The following ATAD3B variants were observed in gnomAD, a reference collection of about 807,000 sequenced individuals.
ATAD3B encodes ATPase family AAA domain-containing protein 3B.
ATAD3B carries 59 observed loss-of-function variants against 70.2 expected under a neutral mutation model. That is an observed-to-expected ratio of 0.84 (90% CI 0.68 to 1.04). The LOEUF is 1.04. ATAD3B is among the 50% of genes least tolerant of loss of function. The pLI is 0.00. For missense variants in ATAD3B, 961 were observed against 913.4 expected (o/e 1.05, Z -0.67); for synonymous variants, 423 against 388.6 (o/e 1.09, Z -1.04).
At chr1:1,490,521 G>T (rs779242814) in intron 14 of ATAD3B, 42 bp from the exon 15 acceptor site, 38 of 1,610,828 alleles carry the variant, frequency 2.4e-5, no homozygotes, top group Non-Finnish European at 2.8e-5. Context: ...ATGGTGTGGG[G>T]TCCGCGGCCT....
rs1205957671 is a variant in ATAD3B, at chr1:1,482,256, C to T, written c.633C>T (p.Ile211=). The change falls in exon 6 of 16, where the codon ATC becomes ATT. Residue 211 remains isoleucine, a synonymous_variant. Coordinates refer to ENST00000673477, the MANE Select transcript of ATAD3B (RefSeq NM_031921.6). Reference sequence around the variant, plus strand: ...ATGCAGACATCATCCGCGAGCAGATCCGCCTGAAGGCGTCCGAGCACCGTC... The same window carrying T: ...ATGCAGACATCATCCGCGAGCAGATTCGCCTGAAGGCGTCCGAGCACCGTC... ...RENADIIREQ[I]RLKASEHRQT... is the part of the protein sequence containing the mutation. The T allele has an allele frequency of 4.3e-6, 7 of 1,611,368 alleles. No individual in the cohort carries two copies. The highest frequency in any genetic ancestry group is 3.3e-5 in the Admixed American group (2 of 59,932).
At chr1:1,478,401 G>A in intron 2 of ATAD3B, 1 of 1,489,338 alleles carries the variant, frequency 6.7e-7, no homozygotes, top group Non-Finnish European at 9.0e-7. Context: ...GGGTGGGGTT[G>A]GTGTCTGACC....
At chr1:1,489,704 G>A in intron 13 of ATAD3B, 2 of 1,313,586 alleles carry the variant, frequency 1.5e-6, no homozygotes, top group South Asian at 1.2e-5. Flanking sequence ...CCAGTCACGT[G>A]TCACACGGAG....
downstream of ATAD3B, among the ~76,000 whole-genome samples, chr1:1,500,149 C>T (rs1640913328): frequency 6.6e-6 from 1 of 151,510 alleles, no homozygotes; most frequent in African/African-American, 2.4e-5. Flanking sequence ...CCACCCGCCT[C>T]AGCCTCCCAA....
chr1:1,483,125 A>T (rs1431296628), intron 7 of ATAD3B: 1 of 413,150 alleles, frequency 2.4e-6, no homozygotes, highest in African/African-American at 2.1e-5. Context: ...CCCTGTCTCT[A>T]CTAAAAAAAA....
At chr1:1,492,207 A>G (rs576341419) in intron 15 of ATAD3B, among the ~76,000 whole-genome samples, 5 of 151,776 alleles carry the variant, frequency 3.3e-5, no homozygotes, top group Admixed American at 1.3e-4. Context: ...ATAATTTGGA[A>G]CAAGCCCGGT....
At chr1:1,479,701 A>G (rs755334114) in intron 4 of ATAD3B, among the ~76,000 whole-genome samples, 9 of 141,768 alleles carry the variant, frequency 6.3e-5, no homozygotes, top group East Asian at 2.2e-4. Context: ...ACACTCCCGC[A>G]TGGGGCATGC....
In ATAD3B at chr1:1,495,625, A is replaced by C. The variant is rs762430432; in HGVS notation, c.1755A>C (p.Leu585=). Residue 585 remains leucine (L), a synonymous_variant, in exon 16 of 16, where the codon CTA becomes CTC. Transcript: ENST00000673477. ...EGPGRGVEHP[L]SGVQGETLTS... ...CTGGGCGCGGGGTCGAGCACCCCCT[A>C]TCCGGAGTCCAAGGCGAGACCCTCA... The C allele has an allele frequency of 6.2e-7, 1 of 1,612,918 alleles. No individual in the cohort carries two copies. Among genetic ancestry groups the C allele is most frequent in the East Asian group, 2.2e-5 (1 of 44,840 alleles).
intron 2 of ATAD3B, 53 bp downstream of exon 2, chr1:1,477,403 G>C: frequency 6.2e-7 from 1 of 1,609,146 alleles, no homozygotes; most frequent in South Asian, 1.1e-5. Flanking sequence ...GGGTTCAGGC[G>C]TGGAGATTGG....
chr1:1,488,424 C>T (rs532816701), intron 12 of ATAD3B, among the ~76,000 whole-genome samples: 3 of 152,098 alleles, frequency 2.0e-5, no homozygotes, highest in East Asian at 3.9e-4. Flanking sequence ...GATGGAGTTT[C>T]CCACATTGTC....
intron 1 of ATAD3B, among the ~76,000 whole-genome samples, chr1:1,476,911 A>T (rs1481967409): frequency 6.6e-6 from 1 of 151,970 alleles, no homozygotes; most frequent in Non-Finnish European, 1.5e-5. Flanking sequence ...GGTTCCAGCA[A>T]TTCTCCAGCC....
chr1:1,495,311 G>A (rs371534101), intron 15 of ATAD3B, among the ~76,000 whole-genome samples, 174 bp from the exon 16 acceptor site: 1 of 151,974 alleles, frequency 6.6e-6, no homozygotes, highest in African/African-American at 2.4e-5. Context: ...TGCAGGGGCC[G>A]CTCCCAGTGT....
chr1:1,495,519 C>G lies in ATAD3B; in HGVS notation c.1649C>G (p.Thr550Ser). ...TAYASKDGVL[T>S]EAMMDACVQD... ...TATGCCTCCAAGGACGGGGTCCTCA[C>G]TGAGGCCATGATGGACGCCTGTGTG... The change falls in exon 16 of 16, where the codon ACT becomes AGT. Residue 550 changes from threonine (T) to serine (S), a missense_variant. Thr to Ser is a moderately conservative substitution (Grantham distance 58). Transcript: ENST00000673477. 1 of 1,611,336 alleles carries G rather than the reference C, an allele frequency of 6.2e-7. No homozygotes were observed. Among genetic ancestry groups the G allele is most frequent in the Non-Finnish European group, 8.5e-7 (1 of 1,178,096 alleles).
At position 1,489,890 on chromosome 1, in the gene ATAD3B, G is replaced by A. The variant is rs111274575; in HGVS notation, c.1338-367G>A. The A allele has an allele frequency of 7.3e-5, 89 of 1,219,026 alleles. No homozygotes were observed. The African/African-American group carries it at 8.7e-4, about 12-fold the overall frequency. 75.5% of individuals were successfully genotyped at this position (1,219,026 alleles called of 1,614,324 possible). ...GCCCCCGAGGTCCTGCTTCTGGCTC[G>A]CATGGCCATAATCTTGACAGGGACT... On this transcript the variant is annotated intron_variant, in intron 13 of 15. Coordinates refer to ENST00000673477, the MANE Select transcript of ATAD3B (RefSeq NM_031921.6).
chr1:1,496,170 G>C lies in ATAD3B; in HGVS notation c.*353G>C, dbSNP rs1257224054. On this transcript the variant is annotated 3_prime_UTR_variant, in exon 16 of 16. Transcript: ENST00000673477. ...CCAAGCCTGTGGCTGGAGCTGGTGT[G>C]TGTTTATCTAATAAAGTCCCACAGG... 1 of 1,056,184 alleles carries C rather than the reference G, an allele frequency of 9.5e-7. No individual in the cohort carries two copies. Among genetic ancestry groups the C allele is most frequent in the Admixed American group, 4.9e-5 (1 of 20,266 alleles). The allele number at this position is 1,056,184 out of a possible 1,614,324, so 65.4% of individuals were successfully genotyped here.
At chr1:1,485,884 C>A (rs188062795) in intron 9 of ATAD3B, 46 bp downstream of exon 9, 9 of 1,611,988 alleles carry the variant, frequency 5.6e-6, no homozygotes, top group Non-Finnish European at 5.1e-6. Context: ...GAGGGGACCC[C>A]GGAGCTGGGC....
chr1:1,498,055 C>G (rs959729818), downstream of ATAD3B, among the ~76,000 whole-genome samples: 2 of 151,746 alleles, frequency 1.3e-5, no homozygotes, highest in Non-Finnish European at 2.9e-5. Flanking sequence ...GTAATCCCAG[C>G]ACTTTGGGAG....
intron 1 of ATAD3B, 125 bp from the exon 2 acceptor site, chr1:1,477,149 C>G: frequency 7.8e-7 from 1 of 1,287,254 alleles, no homozygotes. Flanking sequence ...GCTGGGATTA[C>G]AGGCGTGAAC....
At chr1:1,500,770 G>A (rs1028068653), downstream of ATAD3B, among the ~76,000 whole-genome samples, 15 of 151,170 alleles carry the variant, frequency 9.9e-5, no homozygotes, top group African/African-American at 2.7e-4. Context: ...TGGCTAACAG[G>A]GTGAAACCCC....
Sources: gnomAD v4.1 joint callset for allele counts (sites outside exome capture counted in the v4.1 genomes callset) on GRCh38, gnomAD v4.1.1 for gene constraint, MANE v1.5 for transcripts, NCBI Gene and HGNC (gene_info 2026-07-23, HGNC 2026-07-21) for gene names.